Variants in EGFLAM observed in about 807,000 individuals in gnomAD.
EGFLAM encodes the protein EGF like, fibronectin type III and laminin G domains.
In EGFLAM, 79 loss-of-function variants were observed where a neutral mutation model predicts 113.1. The observed-to-expected ratio is 0.70, with a 90% CI of 0.58 to 0.84. The LOEUF is 0.84. Among genes scored for constraint, EGFLAM ranks in the 40% least tolerant of loss-of-function variants. The pLI, the probability that EGFLAM is intolerant of heterozygous loss-of-function variation, is 0.00. For missense variants in EGFLAM, 1,265 were observed against 1,291.6 expected, an observed-to-expected ratio of 0.98 and a Z score of 0.32; for synonymous variants, 504 against 487.6, an observed-to-expected ratio of 1.03 and a Z score of -0.44.
intron 6 of EGFLAM, chr5:38,403,818 A>T: frequency 1.2e-6 from 2 of 1,613,460 alleles, no homozygotes; most frequent in Middle Eastern, 1.7e-4. Flanking sequence ...AGCTGTCCTC[A>T]AGGGCCTTTT....
At chr5:38,330,938 T>C (rs1024101873) in intron 1 of EGFLAM, among the ~76,000 whole-genome samples, 1 of 152,072 alleles carries the variant, frequency 6.6e-6, no homozygotes, top group South Asian at 2.1e-4. Context: ...GGTGAATAAT[T>C]CAGATCTTTC....
chr5:38,435,283 G>C (rs760559344), intron 16 of EGFLAM, 30 bp downstream of exon 16: 3 of 1,503,804 alleles, frequency 2.0e-6, no homozygotes, highest in African/African-American at 2.8e-5. Flanking sequence ...ATGTTTACTG[G>C]GCCACCCAGA....
At chr5:38,406,294 A>G (rs1487171829) in intron 7 of EGFLAM, 53 bp downstream of exon 7, 4 of 1,528,752 alleles carry the variant, frequency 2.6e-6, no homozygotes, top group Non-Finnish European at 3.6e-6. Context: ...TTCTTGCCGA[A>G]CAAGACAATT....
chr5:38,395,500 T>G (rs1032510964), intron 6 of EGFLAM, among the ~76,000 whole-genome samples: 1 of 152,304 alleles, frequency 6.6e-6, no homozygotes, highest in African/African-American at 2.4e-5. Flanking sequence ...TATTATCTCC[T>G]AGCACTTTGT....
chr5:38,272,276 TAA>T (rs755878143), intron 1 of EGFLAM, among the ~76,000 whole-genome samples: 7 of 152,210 alleles, frequency 4.6e-5, no homozygotes, highest in Non-Finnish European at 1.0e-4. Context: ...CTTTGGAGGC[TAA>T]GAAGCAAAGG....
intron 1 of EGFLAM, among the ~76,000 whole-genome samples, chr5:38,304,918 A>G (rs2111839218): frequency 6.6e-6 from 1 of 152,322 alleles, no homozygotes. Flanking sequence ...AATAATAACA[A>G]AAGGGCAAAA....
intron 3 of EGFLAM, among the ~76,000 whole-genome samples, chr5:38,349,773 GCACACACA>G (rs57785664): frequency 0.011 from 1,395 of 131,030 alleles, 13 homozygotes; most frequent in African/African-American, 0.031. Context: ...AAGTACACAC[GCACACACA>G]CACACACACA....
chr5:38,458,077 C>T lies in EGFLAM; in HGVS notation c.2688-234C>T, dbSNP rs181833481. Among the ~76,000 whole-genome samples, 45 of 152,180 alleles carry T rather than the reference C, an allele frequency of 3.0e-4. No homozygotes were observed. The East Asian group carries it at 6.2e-3, about 21-fold the overall frequency. On this transcript the variant is annotated intron_variant, in intron 19 of 21. Transcript: ENST00000322350. ...GGCACTGTATGCTTAAAAATGGTTA[C>T]GATGGCCATGGTTATGTTACATATA... is the stretch of plus-strand genomic sequence containing the variant.
rs1259069269 is a variant in EGFLAM, at chr5:38,425,040, C to A, written c.1758C>A (p.Asp586Glu). ...GCACCTGCACAGCAATCAAAGCCGA[C>A]TCCTACATTTGCCTCTGTCCCCTTG... is the stretch of plus-strand genomic sequence containing the variant. ...HGGTCTAIKA[D>E]SYICLCPLGF... The change falls in exon 13 of 22, where the codon GAC (aspartate) becomes GAA (glutamate). Residue 586 changes from aspartate (D) to glutamate (E), a missense_variant. Asp to Glu is a conservative substitution (Grantham distance 45). Coordinates refer to ENST00000322350, the MANE Select transcript of EGFLAM (RefSeq NM_152403.4). The A allele has an allele frequency of 6.2e-7, 1 of 1,614,132 alleles. No individual in the cohort carries two copies. The highest frequency in any genetic ancestry group is 1.1e-5 in the South Asian group (1 of 91,084).
At chr5:38,345,551 GGTATTT>G (rs1211225453) in intron 3 of EGFLAM, 3 of 152,146 alleles carry the variant, frequency 2.0e-5, no homozygotes, top group Non-Finnish European at 4.4e-5. Context: ...CCAAGTAGGG[GGTATTT>G]TGCAGCAAAG....
intron 21 of EGFLAM, 74 bp from the exon 22 acceptor site, chr5:38,463,757 CA>C: frequency 6.3e-7 from 1 of 1,576,732 alleles, no homozygotes; most frequent in South Asian, 1.2e-5. Context: ...TCAAGTGCCC[CA>C]AACTGGAACC....
At chr5:38,432,037 T>C (rs1742205424) in intron 15 of EGFLAM, among the ~76,000 whole-genome samples, 1 of 152,056 alleles carries the variant, frequency 6.6e-6, no homozygotes, top group African/African-American at 2.4e-5. Flanking sequence ...CAAAGAAAAA[T>C]AACATTTTTA....
At chr5:38,270,871 T>A (rs558126229) in intron 1 of EGFLAM, among the ~76,000 whole-genome samples, 10 of 152,216 alleles carry the variant, frequency 6.6e-5, no homozygotes, top group African/African-American at 2.4e-4. Context: ...CTATAGAGTT[T>A]ATAGAGTGGT....
At chr5:38,426,089 C>T (rs370800424) in intron 13 of EGFLAM, among the ~76,000 whole-genome samples, 3 of 145,046 alleles carry the variant, frequency 2.1e-5, no homozygotes, top group Admixed American at 6.9e-5. Flanking sequence ...GGTGACAGAG[C>T]GAGACTCCAT....
chr5:38,288,476 G>A (rs1425997560), intron 1 of EGFLAM, among the ~76,000 whole-genome samples: 1 of 152,112 alleles, frequency 6.6e-6, no homozygotes, highest in Non-Finnish European at 1.5e-5. Context: ...TTTCACAATT[G>A]TACTTTAACT....
At chr5:38,260,201 G>A (rs2589787) in intron 1 of EGFLAM, among the ~76,000 whole-genome samples, 20,293 of 152,180 alleles carry the variant, frequency 0.13, 2,055 homozygotes, top group African/African-American at 0.28. Context: ...TCAGTGAAGG[G>A]CTTCTTTCTA....
chr5:38,441,394 A>T (rs1742527768), intron 17 of EGFLAM, among the ~76,000 whole-genome samples: 1 of 151,966 alleles, frequency 6.6e-6, no homozygotes, highest in Admixed American at 6.6e-5. Flanking sequence ...CTTTTTTCTC[A>T]ACAAGGCCTT....
chr5:38,426,649 A>T (rs1385675757), intron 13 of EGFLAM, among the ~76,000 whole-genome samples: 2 of 152,186 alleles, frequency 1.3e-5, no homozygotes, highest in Admixed American at 1.3e-4. Context: ...CAGGTCAAAG[A>T]TGGTGGTGAG....
intron 5 of EGFLAM, among the ~76,000 whole-genome samples, chr5:38,368,160 A>C (rs1561051145): frequency 6.6e-6 from 1 of 152,322 alleles, no homozygotes; most frequent in African/African-American, 2.4e-5. Flanking sequence ...GTTTTATCTA[A>C]AGATCACATC....
Sources: gnomAD v4.1 joint callset for allele counts (sites outside exome capture counted in the v4.1 genomes callset) on GRCh38, gnomAD v4.1.1 for gene constraint, MANE v1.5 for transcripts, NCBI Gene and HGNC (gene_info 2026-07-23, HGNC 2026-07-21) for gene names.